Variants in SOWAHA observed in about 807,000 individuals in gnomAD.
The protein encoded by SOWAHA is ankyrin repeat domain-containing protein SOWAHA.
In SOWAHA, 17 loss-of-function variants were observed where a neutral mutation model predicts 21.1. The observed-to-expected ratio is 0.80, with a 90% CI of 0.55 to 1.21. SOWAHA has a LOEUF of 1.21. Among genes scored for constraint, SOWAHA ranks in the 50% most tolerant of loss-of-function variants. The pLI is 0.00. For missense variants in SOWAHA, 862 were observed against 816.0 expected (o/e 1.06, Z -0.69); for synonymous variants, 422 against 397.1 (o/e 1.06, Z -0.75).
chr5:132,813,949 T>A lies in SOWAHA; in HGVS notation c.328T>A (p.Leu110Met). ...AQPSKPTSTV[L>M]PRSASAPGAP... ...GCCGTCGAAACCCACTTCGACGGTC[T>A]TGCCGCGGAGCGCCTCTGCCCCGGG... The change falls in exon 1 of 1, where the codon TTG (leucine) becomes ATG (methionine). Residue 110 changes from leucine (L) to methionine (M), a missense_variant. Physicochemically the swap from Leu to Met is conservative, Grantham distance 15 (BLOSUM62 2). Coordinates refer to ENST00000378693, the MANE Select transcript of SOWAHA (RefSeq NM_175873.6). 1 of 1,545,552 alleles carries A rather than the reference T, an allele frequency of 6.5e-7. No homozygotes were observed. Among genetic ancestry groups the A allele is most frequent in the Non-Finnish European group, 8.7e-7 (1 of 1,145,204 alleles).
At position 132,813,307 on chromosome 5, in the gene SOWAHA, T is replaced by C. The variant is rs1758321158; in HGVS notation, c.-315T>C. 6.6e-6 allele frequency among the ~76,000 whole-genome samples: 1 copy of C among 151,846 alleles called. No individual in the cohort carries two copies. Among genetic ancestry groups the C allele is most frequent in the South Asian group, 2.1e-4 (1 of 4,824 alleles). ...GCATCGCGGGGGCAGCTGTCACCTG[T>C]AAGGCGAGCGCGGCGCGGGGGATGG... On this transcript the variant is annotated 5_prime_UTR_variant, in exon 1 of 1. Coordinates refer to ENST00000378693, the MANE Select transcript of SOWAHA (RefSeq NM_175873.6).
rs1758322583 is a variant in SOWAHA, at chr5:132,813,383, C to T, written c.-239C>T. Among the ~76,000 whole-genome samples, 1 of 151,784 alleles carries T rather than the reference C, an allele frequency of 6.6e-6. No homozygotes were observed. The highest frequency in any genetic ancestry group is 1.5e-5 in the Non-Finnish European group (1 of 67,856). On this transcript the variant is annotated 5_prime_UTR_variant, in exon 1 of 1. Transcript: ENST00000378693. ...CAAAGGCAGAAACCTACCCCGAAGG[C>T]CGGGGCCCGGCGGGGCGCTGGGGGT... is the stretch of plus-strand genomic sequence containing the variant.
Position 132,814,487 on chromosome 5 carries a change from T to C in SOWAHA, c.866T>C (p.Leu289Pro). 1 of 1,430,564 alleles carries C rather than the reference T, an allele frequency of 7.0e-7. No homozygotes were observed. The highest frequency in any genetic ancestry group is 9.1e-7 in the Non-Finnish European group (1 of 1,099,992). 88.6% of individuals were successfully genotyped at this position (1,430,564 alleles called of 1,614,324 possible). ...RRLSRAGPRL[L>P]SPDAEELPAA... Reference sequence around the variant, plus strand: ...CTGTCGCGCGCCGGCCCGCGTCTGCTGAGCCCTGACGCCGAGGAGTTGCCC... The same window carrying C: ...CTGTCGCGCGCCGGCCCGCGTCTGCCGAGCCCTGACGCCGAGGAGTTGCCC... The change falls in exon 1 of 1, where the codon CTG becomes CCG. Residue 289 changes from leucine to proline, a missense_variant. By Grantham distance (98) the Leu-to-Pro change is moderately conservative. Coordinates refer to ENST00000378693, the MANE Select transcript of SOWAHA (RefSeq NM_175873.6).
Position 132,814,442 on chromosome 5 carries a change from G to T in SOWAHA, c.821G>T (p.Arg274Leu). 1.4e-6 allele frequency: 2 copies of T among 1,465,394 alleles called. No individual in the cohort carries two copies. The highest frequency in any genetic ancestry group is 1.8e-6 in the Non-Finnish European group (2 of 1,116,682). 90.8% of individuals were successfully genotyped at this position (1,465,394 alleles called of 1,614,324 possible). ...CTGGGCCTCGGCCTGGGCCCGGGCC[G>T]CTCCCCGCACCTGAGGCGCCTGTCG... ...SGLGLGLGPG[R>L]SPHLRRLSRA... Residue 274 changes from arginine to leucine, a missense_variant, in exon 1 of 1, where the codon CGC (arginine) becomes CTC (leucine). Physicochemically the swap from Arg to Leu is moderately radical, Grantham distance 102 (BLOSUM62 -2). Coordinates refer to ENST00000378693, the MANE Select transcript of SOWAHA (RefSeq NM_175873.6).
In SOWAHA at chr5:132,814,534, G is replaced by C; in HGVS notation, c.913G>C (p.Val305Leu). Residue 305 changes from valine to leucine, a missense_variant, in exon 1 of 1, where the codon GTG becomes CTG. By Grantham distance (32) the Val-to-Leu change is conservative. Transcript: ENST00000378693. Reference protein sequence around the residue: ...ELPAAPPPSAVPLEPSEHEWL... With the variant: ...ELPAAPPPSALPLEPSEHEWL... ...GCCCGCCGCGCCGCCGCCGTCCGCG[G>C]TGCCCCTGGAGCCGTCCGAGCACGA... The C allele has an allele frequency of 7.3e-7, 1 of 1,371,764 alleles. No individual in the cohort carries two copies. Among genetic ancestry groups the C allele is most frequent in the Admixed American group, 3.9e-5 (1 of 25,522 alleles). 85.0% of individuals were successfully genotyped at this position (1,371,764 alleles called of 1,614,324 possible). A position where few individuals can be genotyped will look rare whatever the true frequency, so the allele number is the denominator to read the frequency against.
chr5:132,815,032 A>G lies in SOWAHA; in HGVS notation c.1411A>G (p.Ile471Val), dbSNP rs1319611957. 3.1e-6 allele frequency: 5 copies of G among 1,606,052 alleles called. No individual in the cohort carries two copies. Among genetic ancestry groups the G allele is most frequent in the South Asian group, 2.2e-5 (2 of 90,054 alleles). Reference protein sequence around the residue: ...ARRPVQVAATILSSTTSAFLG... With the variant: ...ARRPVQVAATVLSSTTSAFLG... ...GCGCCCCGTACAGGTGGCCGCCACC[A>G]TCCTCAGTTCCACCACCAGTGCATT... The change falls in exon 1 of 1, where the codon ATC becomes GTC. Residue 471 changes from isoleucine to valine, a missense_variant. By Grantham distance (29) the Ile-to-Val change is conservative (BLOSUM62 3). Coordinates refer to ENST00000378693, the MANE Select transcript of SOWAHA (RefSeq NM_175873.6).
Position 132,814,669 on chromosome 5 carries a change from C to T in SOWAHA, c.1048C>T (p.Leu350=), listed in dbSNP as rs951692575. 3 of 1,522,068 alleles carry T rather than the reference C, an allele frequency of 2.0e-6. No homozygotes were observed. Among genetic ancestry groups the T allele is most frequent in the South Asian group, 1.2e-5 (1 of 82,984 alleles). 94.3% of individuals were successfully genotyped at this position (1,522,068 alleles called of 1,614,324 possible). Reference sequence around the variant, plus strand: ...CGACTTCATGTCTGGCTTCACGGCCCTGCATTGGGCCGCCAAGAGCGGCGA... The same window carrying T: ...CGACTTCATGTCTGGCTTCACGGCCTTGCATTGGGCCGCCAAGAGCGGCGA... ...KRDFMSGFTA[L]HWAAKSGDGE... The change falls in exon 1 of 1, where the codon CTG becomes TTG. Residue 350 remains leucine, a synonymous_variant. Coordinates refer to ENST00000378693, the MANE Select transcript of SOWAHA (RefSeq NM_175873.6).
Position 132,814,638 on chromosome 5 carries a change from C to G in SOWAHA, c.1017C>G (p.Ala339=). ...GLLLRDRGLA[A]KRDFMSGFTA... ...TGCTGCGCGACCGCGGCTTGGCGGC[C>G]AAGCGCGACTTCATGTCTGGCTTCA... The change falls in exon 1 of 1, where the codon GCC becomes GCG. Residue 339 remains alanine, a synonymous_variant. Transcript: ENST00000378693. 1 of 1,522,080 alleles carries G rather than the reference C, an allele frequency of 6.6e-7. No individual in the cohort carries two copies. Among genetic ancestry groups the G allele is most frequent in the Non-Finnish European group, 8.8e-7 (1 of 1,142,000 alleles). 94.3% of individuals were successfully genotyped at this position (1,522,080 alleles called of 1,614,324 possible). A position where few individuals can be genotyped will look rare whatever the true frequency, so the allele number is the denominator to read the frequency against.
chr5:132,814,962 G>T lies in SOWAHA; in HGVS notation c.1341G>T (p.Thr447=). The part of the protein sequence containing the change: ...LLGDPGLRGT[T]EPDATGGGSG... ...GCGATCCAGGCCTGCGAGGCACCACGGAGCCAGATGCGACCGGTGGTGGAA... is the reference window on the plus strand; with the variant it reads ...GCGATCCAGGCCTGCGAGGCACCACTGAGCCAGATGCGACCGGTGGTGGAA... Residue 447 remains threonine, a synonymous_variant, in exon 1 of 1, where the codon ACG becomes ACT. Coordinates refer to ENST00000378693, the MANE Select transcript of SOWAHA (RefSeq NM_175873.6). The T allele has an allele frequency of 6.3e-7, 1 of 1,583,032 alleles. No individual in the cohort carries two copies. The highest frequency in any genetic ancestry group is 2.3e-5 in the East Asian group (1 of 43,112).
Position 132,813,927 on chromosome 5 carries a change from G to T in SOWAHA, c.306G>T (p.Pro102=). 6.5e-7 allele frequency: 1 copy of T among 1,546,644 alleles called. No individual in the cohort carries two copies. Among genetic ancestry groups the T allele is most frequent in the Non-Finnish European group, 8.7e-7 (1 of 1,145,472 alleles). ...PFGPPGAAAQ[P]SKPTSTVLPR... Reference sequence around the variant, plus strand: ...GCCCCCCGGGGGCAGCGGCCCAGCCGTCGAAACCCACTTCGACGGTCTTGC... The same window carrying T: ...GCCCCCCGGGGGCAGCGGCCCAGCCTTCGAAACCCACTTCGACGGTCTTGC... The change falls in exon 1 of 1, where the codon CCG becomes CCT. Residue 102 remains proline (P), a synonymous_variant. Coordinates refer to ENST00000378693, the MANE Select transcript of SOWAHA (RefSeq NM_175873.6).
Position 132,813,811 on chromosome 5 carries a change from A to G in SOWAHA, c.190A>G (p.Asn64Asp). 6.5e-7 allele frequency: 1 copy of G among 1,549,250 alleles called. No individual in the cohort carries two copies. The highest frequency in any genetic ancestry group is 2.0e-5 in the Admixed American group (1 of 50,978). Residue 64 changes from asparagine (N) to aspartate (D), a missense_variant, in exon 1 of 1, where the codon AAC becomes GAC. Coordinates refer to ENST00000378693, the MANE Select transcript of SOWAHA (RefSeq NM_175873.6). ...GGACCGCTTCAAGCAGTTCGTCAAC[A>G]ACGTGGCGGTGGTGAAGGAGCTCGA... ...RRDRFKQFVN[N>D]VAVVKELDGV...
At position 132,813,773 on chromosome 5, in the gene SOWAHA, G is replaced by C. The variant is rs1337302192; in HGVS notation, c.152G>C (p.Arg51Pro). 3 of 1,547,862 alleles carry C rather than the reference G, an allele frequency of 1.9e-6. No homozygotes were observed. Among genetic ancestry groups the C allele is most frequent in the Non-Finnish European group, 8.7e-7 (1 of 1,145,792 alleles). ...CTCGATGCCGGCGACCCGCGGGGCCGCGCCGCCCGCAGGGACCGCTTCAAG... is the reference window on the plus strand; with the variant it reads ...CTCGATGCCGGCGACCCGCGGGGCCCCGCCGCCCGCAGGGACCGCTTCAAG... ...PLLDAGDPRG[R>P]AARRDRFKQF... The change falls in exon 1 of 1, where the codon CGC becomes CCC. Residue 51 changes from arginine to proline, a missense_variant. Transcript: ENST00000378693.
Position 132,815,249 on chromosome 5 carries a change from C to T in SOWAHA, c.1628C>T (p.Pro543Leu), listed in dbSNP as rs1250820256. The T allele has an allele frequency of 6.2e-7, 1 of 1,610,802 alleles. No individual in the cohort carries two copies. The highest frequency in any genetic ancestry group is 8.5e-7 in the Non-Finnish European group (1 of 1,178,132). ...CCGGGGCCTTTAGCTGGTCTAGTGC[C>T]CAGTTTGCCTCCAACAACCTGAAGG... ...PTPGPLAGLV[P>L]SLPPTT Residue 543 changes from proline to leucine, a missense_variant, in exon 1 of 1, where the codon CCC becomes CTC. By Grantham distance (98) the Pro-to-Leu change is moderately conservative. Coordinates refer to ENST00000378693, the MANE Select transcript of SOWAHA (RefSeq NM_175873.6).
In SOWAHA at chr5:132,813,710, T is replaced by A. The variant is rs1217532745; in HGVS notation, c.89T>A (p.Val30Glu). 1.7e-5 allele frequency: 26 copies of A among 1,538,958 alleles called. No individual in the cohort carries two copies. The highest frequency in any genetic ancestry group is 1.8e-5 in the Non-Finnish European group (21 of 1,142,798). The change falls in exon 1 of 1, where the codon GTG (valine) becomes GAG (glutamate). Residue 30 changes from valine to glutamate, a missense_variant. Coordinates refer to ENST00000378693, the MANE Select transcript of SOWAHA (RefSeq NM_175873.6). ...LGFLQEHGGK[V>E]RNSELLSRFK... ...TTCCTGCAGGAGCACGGCGGGAAGG[T>A]GCGCAACTCCGAGCTGCTGAGCCGC...
Position 132,815,064 on chromosome 5 carries a change from C to T in SOWAHA, c.1443C>T (p.Gly481=). Residue 481 remains glycine (G), a synonymous_variant, in exon 1 of 1, where the codon GGC becomes GGT. Transcript: ENST00000378693. The part of the protein sequence containing the change: ...ILSSTTSAFL[G]VLADDLMLQD... The stretch of plus-strand genomic sequence containing the variant: ...GTTCCACCACCAGTGCATTTCTGGG[C>T]GTCCTGGCTGACGACCTCATGCTCC... 1.2e-6 allele frequency: 2 copies of T among 1,611,578 alleles called. No homozygotes were observed. The highest frequency in any genetic ancestry group is 2.2e-5 in the South Asian group (2 of 90,734).
chr5:132,813,502 G>C lies in SOWAHA; in HGVS notation c.-120G>C, dbSNP rs1758324489. 1 of 640,380 alleles carries C rather than the reference G, an allele frequency of 1.6e-6. No homozygotes were observed. The highest frequency in any genetic ancestry group is 2.0e-6 in the Non-Finnish European group (1 of 499,236). The allele number at this position is 640,380 out of a possible 1,614,324, so 39.7% of individuals were successfully genotyped here. A position where few individuals can be genotyped will look rare whatever the true frequency, so the allele number is the denominator to read the frequency against. On this transcript the variant is annotated 5_prime_UTR_variant, in exon 1 of 1. Transcript: ENST00000378693. ...GAGGTCCAGCTTCGGGGACACGCCC[G>C]GCTGGCCGCGGGGAAGGCACCAGGT...
rs1430354611 is a variant in SOWAHA at position 132,815,867 on chromosome 5, A to C, written c.*596A>C. ...TAAAAAATAGATGATCAAGATCTAA[A>C]GGAAATTAATCCCAACCAACAAACT... is the stretch of plus-strand genomic sequence containing the variant. On this transcript the variant is annotated 3_prime_UTR_variant, in exon 1 of 1. Coordinates refer to ENST00000378693, the MANE Select transcript of SOWAHA (RefSeq NM_175873.6). 1 of 166,866 alleles carries C rather than the reference A, an allele frequency of 6.0e-6. No homozygotes were observed. The highest frequency in any genetic ancestry group is 1.5e-5 in the Non-Finnish European group (1 of 68,140). The allele number at this position is 166,866 out of a possible 1,614,324, so 10.3% of individuals were successfully genotyped here.
rs550123698 is a variant in SOWAHA, at chr5:132,814,798, G to A, written c.1177G>A (p.Ala393Thr). 2.0e-6 allele frequency: 3 copies of A among 1,527,546 alleles called. No individual in the cohort carries two copies. Among genetic ancestry groups the A allele is most frequent in the African/African-American group, 1.4e-5 (1 of 73,024 alleles). 94.6% of individuals were successfully genotyped at this position (1,527,546 alleles called of 1,614,324 possible). ...CGGCTACACGCCGCTGCACCTGGCT[G>A]CACTGCACGGCCACGAGGACGCTGC... ...HGGYTPLHLA[A>T]LHGHEDAAVL... The change falls in exon 1 of 1, where the codon GCA becomes ACA. Residue 393 changes from alanine to threonine, a missense_variant. By Grantham distance (58) the Ala-to-Thr change is moderately conservative. Coordinates refer to ENST00000378693, the MANE Select transcript of SOWAHA (RefSeq NM_175873.6).
Position 132,814,036 on chromosome 5 carries a change from A to G in SOWAHA, c.415A>G (p.Thr139Ala), listed in dbSNP as rs1367888395. 3 of 1,553,216 alleles carry G rather than the reference A, an allele frequency of 1.9e-6. No homozygotes were observed. The highest frequency in any genetic ancestry group is 1.9e-5 in the Admixed American group (1 of 53,178). The change falls in exon 1 of 1, where the codon ACA (threonine) becomes GCA (alanine). Residue 139 changes from threonine (T) to alanine (A), a missense_variant. By Grantham distance (58) the Thr-to-Ala change is moderately conservative. Coordinates refer to ENST00000378693, the MANE Select transcript of SOWAHA (RefSeq NM_175873.6). ...GCCGCCAGGGGACCTGGGTCTGCCA[A>G]CAGAGCCACAGGACACCCCGGGGGG... ...VEPPGDLGLP[T>A]EPQDTPGGPA...
Sources: allele counts gnomAD v4.1 joint callset (sites outside exome capture counted in the v4.1 genomes callset), GRCh38; gene constraint gnomAD v4.1.1; transcripts MANE v1.5; gene names NCBI Gene and HGNC (gene_info 2026-07-23, HGNC 2026-07-21).